The following DOCK2 variants were observed in gnomAD, a reference collection of about 807,000 sequenced individuals.
DOCK2 encodes the protein dedicator of cytokinesis protein 2.
Under a neutral mutation model 248.9 loss-of-function variants are expected in DOCK2, and 87 were observed. The ratio of observed to expected loss-of-function variants is 0.35; its 90% CI spans 0.29 to 0.42. DOCK2 has a LOEUF of 0.42. Ranked by LOEUF, DOCK2 falls within the 10% of genes least tolerant of loss-of-function variation. DOCK2 has a pLI of 1.00. For synonymous variants in DOCK2, 805 were observed against 821.6 expected, an observed-to-expected ratio of 0.98 and a Z score of 0.35; for missense variants, 1,747 against 2,300.2, an observed-to-expected ratio of 0.76 and a Z score of 4.92.
chr5:169,686,716 G>T (rs550854781), intron 8 of DOCK2, among the ~76,000 whole-genome samples: 3 of 152,232 alleles, frequency 2.0e-5, no homozygotes, highest in Non-Finnish European at 4.4e-5. Context: ...CTTCAGTGTG[G>T]CCCAGATGTG....
chr5:169,660,292 C>A (rs774451464), intron 2 of DOCK2, among the ~76,000 whole-genome samples: 2 of 152,132 alleles, frequency 1.3e-5, no homozygotes, highest in Non-Finnish European at 2.9e-5. Context: ...CATGATCATG[C>A]CACTGCACTC....
In DOCK2 at chr5:169,758,060, A is replaced by C. The variant is rs954040032; in HGVS notation, c.2377-1645A>C. 2.1e-5 allele frequency among the ~76,000 whole-genome samples: 3 copies of C among 144,308 alleles called. No individual in the cohort carries two copies. The Admixed American group carries it at 2.2e-4, about 11-fold the overall frequency. The allele number at this position is 144,308 out of a possible 152,430, so 94.7% of individuals were successfully genotyped here. ...CAAGGATCTTTACAGATATACAAACAGTATTTTTTTTACCACGTATTTATA... is the reference window on the plus strand; with the variant it reads ...CAAGGATCTTTACAGATATACAAACCGTATTTTTTTTACCACGTATTTATA... On this transcript the variant is annotated intron_variant, in intron 23 of 51. Coordinates refer to ENST00000520908, the MANE Select transcript of DOCK2 (RefSeq NM_004946.3).
At chr5:169,874,274 G>A (rs1013113611) in intron 27 of DOCK2, among the ~76,000 whole-genome samples, 2 of 151,998 alleles carry the variant, frequency 1.3e-5, no homozygotes, top group Non-Finnish European at 2.9e-5. Context: ...TTAGCTGGGT[G>A]TGGTGGCGGG....
chr5:169,882,492 C>T (rs1025378152), intron 27 of DOCK2: 2 of 1,379,914 alleles, frequency 1.4e-6, no homozygotes, highest in African/African-American at 1.5e-5. Context: ...GCTGTCTCTG[C>T]CCCTGTGTTG....
rs966483920 is a variant in DOCK2, at chr5:170,031,336, G to C, written c.3468-3063G>C. On this transcript the variant is annotated intron_variant, in intron 34 of 51. Transcript: ENST00000520908. ...AGTTTCATTAGCACTGACAGAGAGG[G>C]GGAGTCTGGGATCCTCCCTCTAAAA... Among the ~76,000 whole-genome samples the C allele has an allele frequency of 2.6e-5, 4 of 152,262 alleles. No individual in the cohort carries two copies. The East Asian group carries it at 7.7e-4, about 29-fold the overall frequency.
intron 8 of DOCK2, among the ~76,000 whole-genome samples, chr5:169,686,011 A>G (rs998825927): frequency 6.6e-6 from 1 of 152,180 alleles, no homozygotes; most frequent in African/African-American, 2.4e-5. Context: ...TTTATTATGC[A>G]CCAAAGTCCC....
intron 24 of DOCK2, 136 bp downstream of exon 24, chr5:169,759,911 A>G (rs541737208): frequency 3.3e-6 from 3 of 922,732 alleles, no homozygotes; most frequent in Non-Finnish European, 4.9e-6. Context: ...GGATGTTTTC[A>G]GGGTTTCCGG....
chr5:169,643,451 G>C (rs774478766), intron 1 of DOCK2, among the ~76,000 whole-genome samples: 1 of 152,178 alleles, frequency 6.6e-6, no homozygotes, highest in African/African-American at 2.4e-5. Flanking sequence ...GGATGAAGCT[G>C]TTCCACTTCA....
intron 27 of DOCK2, among the ~76,000 whole-genome samples, chr5:169,950,056 C>T (rs1395183671): frequency 6.6e-6 from 1 of 152,148 alleles, no homozygotes; most frequent in East Asian, 1.9e-4. Flanking sequence ...GGATCCAGTG[C>T]CATCTCTTCT....
Position 169,768,845 on chromosome 5 carries a change from T to G in DOCK2, c.2554+7220T>G, listed in dbSNP as rs532007862. Among the ~76,000 whole-genome samples the G allele has an allele frequency of 1.8e-3, 267 of 152,328 alleles. 1 individual carries two copies. Among genetic ancestry groups the G allele is most frequent in the African/African-American group, 6.2e-3 (258 of 41,582 alleles). ...GCAAAATTCAGTTCATTGCATATAGTGCCTGGAATACCTTCTACTGCCTCC... is the reference window on the plus strand; with the variant it reads ...GCAAAATTCAGTTCATTGCATATAGGGCCTGGAATACCTTCTACTGCCTCC... On this transcript the variant is annotated intron_variant, in intron 25 of 51. Coordinates refer to ENST00000520908, the MANE Select transcript of DOCK2 (RefSeq NM_004946.3).
At chr5:169,656,149 G>A (rs1442431579) in intron 2 of DOCK2, among the ~76,000 whole-genome samples, 1 of 152,108 alleles carries the variant, frequency 6.6e-6, no homozygotes, top group African/African-American at 2.4e-5. Flanking sequence ...TAAGCAAACT[G>A]TAGGTGACTA....
At chr5:169,957,906 T>C (rs1195668406) in intron 27 of DOCK2, among the ~76,000 whole-genome samples, 2 of 152,178 alleles carry the variant, frequency 1.3e-5, no homozygotes, top group Non-Finnish European at 2.9e-5. Context: ...CACACTGAGC[T>C]AAGCAGCAAA....
rs186840152 is a variant in DOCK2 at position 169,845,728 on chromosome 5, G to T, written c.2799+4876G>T. Among the ~76,000 whole-genome samples the T allele has an allele frequency of 4.6e-5, 7 of 152,286 alleles. No individual in the cohort carries two copies. In the East Asian group the frequency reaches 1.4e-3, roughly 29 times the overall value. ...TTGCAAAGGTTGTAAGTTGCAAGCT[G>T]TGTCATTAGTCTCAATGACTTTGGA... On this transcript the variant is annotated intron_variant, in intron 27 of 51. Coordinates refer to ENST00000520908, the MANE Select transcript of DOCK2 (RefSeq NM_004946.3).
chr5:169,786,141 A>G (rs779925504), intron 25 of DOCK2, among the ~76,000 whole-genome samples: 4 of 152,248 alleles, frequency 2.6e-5, no homozygotes, highest in Non-Finnish European at 5.9e-5. Context: ...TAACTTGCAT[A>G]TTAAAGTTAA....
Position 170,077,730 on chromosome 5 carries a change from A to G in DOCK2, c.4887A>G (p.Arg1629=). The part of the protein sequence containing the change: ...VREMPDFDDR[R]VGRPRSMLRS... ...CACAGCCTGACTTTGACGACAGGAGAGTGGGCCGTCCCAGGTCTATGCTGC... is the reference window on the plus strand; with the variant it reads ...CACAGCCTGACTTTGACGACAGGAGGGTGGGCCGTCCCAGGTCTATGCTGC... Residue 1629 remains arginine (R), a synonymous_variant, in exon 48 of 52, where the codon AGA becomes AGG. Coordinates refer to ENST00000520908, the MANE Select transcript of DOCK2 (RefSeq NM_004946.3). 6.2e-7 allele frequency: 1 copy of G among 1,613,716 alleles called. No individual in the cohort carries two copies. The highest frequency in any genetic ancestry group is 8.5e-7 in the Non-Finnish European group (1 of 1,179,886).
intron 1 of DOCK2, among the ~76,000 whole-genome samples, chr5:169,643,218 C>T (rs527676807): frequency 6.6e-6 from 1 of 152,284 alleles, no homozygotes; most frequent in Admixed American, 6.5e-5. Flanking sequence ...CCTTGTCTCC[C>T]TGCACCCCAC....
At chr5:170,039,633 G>A (rs1358805720) in intron 36 of DOCK2, among the ~76,000 whole-genome samples, 1 of 152,236 alleles carries the variant, frequency 6.6e-6, no homozygotes, top group Non-Finnish European at 1.5e-5. Context: ...ATTTCAGGCA[G>A]CCTACATTTG....
chr5:170,079,377 A>G (rs1228066934), intron 49 of DOCK2: 1 of 503,782 alleles, frequency 2.0e-6, no homozygotes, highest in Non-Finnish European at 3.6e-6. Flanking sequence ...TGACCTTTGC[A>G]CTTCAGAGCC....
At position 169,853,804 on chromosome 5, in the gene DOCK2, C is replaced by CTTTTTTTTTTTTTTTTTTTTTTT. The variant is rs67124138; in HGVS notation, c.2799+12975_2799+12997dup. ...TTCCTTCTATAATCAGGAAAAACAACTTTTTTTTTTTTTTTTTTTTTTTTT... is the reference window on the plus strand; with the variant it reads ...TTCCTTCTATAATCAGGAAAAACAACTTTTTTTTTTTTTTTTTTTTTTTTTTTTTTTTTTTTTTTTTTTTTTTT... On this transcript the variant is annotated intron_variant, in intron 27 of 51. Coordinates refer to ENST00000520908, the MANE Select transcript of DOCK2 (RefSeq NM_004946.3). Among the ~76,000 whole-genome samples, 5 of 56,858 alleles carry CTTTTTTTTTTTTTTTTTTTTTTT rather than the reference C, an allele frequency of 8.8e-5. 1 individual carries two copies. The highest frequency in any genetic ancestry group is 3.2e-4 in the African/African-American group (4 of 12,450). The allele number at this position is 56,858 out of a possible 152,430, so 37.3% of individuals were successfully genotyped here.
Sources: allele counts gnomAD v4.1 joint callset (sites outside exome capture counted in the v4.1 genomes callset), GRCh38; gene constraint gnomAD v4.1.1; transcripts MANE v1.5; gene names NCBI Gene and HGNC (gene_info 2026-07-23, HGNC 2026-07-21).